CASP5: variants seen among roughly 807,000 people sequenced by gnomAD.
CASP5 encodes the protein caspase-5.
CASP5 carries 42 observed loss-of-function variants against 45.2 expected under a neutral mutation model. That is an observed-to-expected ratio of 0.93 (90% CI 0.73 to 1.20). The LOEUF (loss-of-function observed/expected upper bound fraction) is 1.20. CASP5 is among the 50% of genes most tolerant of loss of function. The probability of loss-of-function intolerance (pLI) is 0.00; values close to 1 mark genes in which losing one functional copy is unlikely to be tolerated. For missense variants in CASP5, 512 were observed against 532.2 expected (o/e 0.96, Z 0.37); for synonymous variants, 209 against 186.2 (o/e 1.12, Z -1.00).
At position 104,998,899 on chromosome 11, in the gene CASP5, C is replaced by G. The variant is rs573042092; in HGVS notation, c.1082G>C (p.Cys361Ser). The stretch of plus-strand genomic sequence containing the variant: ...AAGACACATACGTGGTGTTGAAGAA[C>G]AGAAAGCAATGAAGTCCTTCTCCTC... Reference protein sequence around the residue: ...IHEEKDFIAFCSSTPHNVSWR... With the variant: ...IHEEKDFIAFSSSTPHNVSWR... Residue 361 changes from cysteine (C) to serine (S), a missense_variant, in exon 7 of 10, where the codon TGT becomes TCT. Physicochemically the swap from Cys to Ser is moderately radical, Grantham distance 112. Transcript: ENST00000260315. 6.8e-6 allele frequency: 11 copies of G among 1,613,478 alleles called. No homozygotes were observed. The highest frequency in any genetic ancestry group is 9.3e-6 in the Non-Finnish European group (11 of 1,179,738).
chr11:105,010,338 C>CAT (rs112894489), intron 1 of CASP5, among the ~76,000 whole-genome samples: 58,395 of 149,506 alleles, frequency 0.39, 12,543 homozygotes, highest in African/African-American at 0.58. Context: ...ATCATTATAT[C>CAT]ATGAGTAATT....
chr11:104,995,903 A>G, intron 8 of CASP5, 61 bp from the exon 9 acceptor site: 1 of 1,042,508 alleles, frequency 9.6e-7, no homozygotes, highest in African/African-American at 1.6e-5. Flanking sequence ...TGCATCTTAC[A>G]CCATGAACCA....
chr11:105,000,353 A>G lies in CASP5; in HGVS notation c.860T>C (p.Leu287Pro), dbSNP rs754313850. ...GAATATCTGGAAGATGGTGTCATAA[A>G]GCAGCACATCCGGTTTTTTCTTTTT... Reference protein sequence around the residue: ...AHKKKKPDVLLYDTIFQIFNN... With the variant: ...AHKKKKPDVLPYDTIFQIFNN... The change falls in exon 6 of 10, where the codon CTT (leucine) becomes CCT (proline). Residue 287 changes from leucine to proline, a missense_variant. Physicochemically the swap from Leu to Pro is moderately conservative, Grantham distance 98. Coordinates refer to ENST00000260315, the MANE Select transcript of CASP5 (RefSeq NM_004347.5). The G allele has an allele frequency of 6.2e-7, 1 of 1,614,230 alleles. No homozygotes were observed. The highest frequency in any genetic ancestry group is 1.3e-5 in the African/African-American group (1 of 75,060).
intron 1 of CASP5, among the ~76,000 whole-genome samples, chr11:105,012,127 C>T (rs1396157068): frequency 6.6e-6 from 1 of 151,478 alleles, no homozygotes; most frequent in African/African-American, 2.4e-5. Flanking sequence ...AGAAATAAAC[C>T]CAGTTATTTA....
chr11:104,994,467 C>T (rs1861368376), intron 9 of CASP5, 120 bp from the exon 10 acceptor site: 1 of 152,194 alleles, frequency 6.6e-6, no homozygotes, highest in African/African-American at 2.4e-5. Flanking sequence ...CCCTCGACTT[C>T]CATCTGTGAC....
Position 105,023,141 on chromosome 11 carries a change from A to G in CASP5, c.-5T>C. 1 of 1,551,132 alleles carries G rather than the reference A, an allele frequency of 6.4e-7. No individual in the cohort carries two copies. Among genetic ancestry groups the G allele is most frequent in the African/African-American group, 1.4e-5 (1 of 73,110 alleles). ...GGGCCCAGACTCACCAGCCATAGCT[A>G]ACAGCCTCTGTCTCTTTGTACAGCA... On this transcript the variant is annotated 5_prime_UTR_variant, in exon 1 of 10. Coordinates refer to ENST00000260315, the MANE Select transcript of CASP5 (RefSeq NM_004347.5).
At chr11:105,019,908 TAAAA>T (rs1862853887) in intron 1 of CASP5, among the ~76,000 whole-genome samples, 1 of 145,946 alleles carries the variant, frequency 6.9e-6, no homozygotes, top group Non-Finnish European at 1.5e-5. Flanking sequence ...AAATCCTCAA[TAAAA>T]TACTGGCAAA....
chr11:104,996,903 C>T (rs2134688243), intron 8 of CASP5, among the ~76,000 whole-genome samples: 1 of 152,174 alleles, frequency 6.6e-6, no homozygotes, highest in African/African-American at 2.4e-5. Context: ...TTTTTATTCC[C>T]TGTTACATGC....
At chr11:105,012,748 T>C (rs1471309591) in intron 1 of CASP5, among the ~76,000 whole-genome samples, 1 of 149,056 alleles carries the variant, frequency 6.7e-6, no homozygotes, top group Non-Finnish European at 1.5e-5. Context: ...ATGGGTATTA[T>C]AAAAAAAAAA....
At chr11:105,015,752 C>CA (rs34623702) in intron 1 of CASP5, among the ~76,000 whole-genome samples, 2,825 of 136,970 alleles carry the variant, frequency 0.021, 42 homozygotes, top group South Asian at 0.052. Flanking sequence ...ATAAAATAGA[C>CA]AAAAAAAAAA....
intron 7 of CASP5, 73 bp from the exon 8 acceptor site, chr11:104,997,565 A>G: frequency 1.2e-6 from 1 of 850,662 alleles, no homozygotes; most frequent in Non-Finnish European, 1.9e-6. Context: ...TTGTTTTTGC[A>G]TAGCTTGAGA....
intron 7 of CASP5, among the ~76,000 whole-genome samples, chr11:104,997,748 C>G (rs971465732): frequency 1.3e-5 from 2 of 152,062 alleles, no homozygotes; most frequent in Non-Finnish European, 2.9e-5. Flanking sequence ...TATTATGGAC[C>G]TCATGTTCAT....
intron 4 of CASP5, among the ~76,000 whole-genome samples, chr11:105,003,030 C>T (rs1190818752): frequency 2.0e-5 from 1 of 49,328 alleles, no homozygotes; most frequent in Non-Finnish European, 4.2e-5. Context: ...GACTATATCT[C>T]TACAAAAATT....
At chr11:105,004,359 A>G (rs539404432) in intron 3 of CASP5, among the ~76,000 whole-genome samples, 2 of 152,316 alleles carry the variant, frequency 1.3e-5, no homozygotes, top group Non-Finnish European at 2.9e-5. Context: ...AGTAATTCTG[A>G]TCTATCCCCT....
chr11:104,997,823 A>G (rs1490179937), intron 7 of CASP5, among the ~76,000 whole-genome samples: 1 of 152,214 alleles, frequency 6.6e-6, no homozygotes, highest in Admixed American at 6.5e-5. Context: ...AAAGGAAAGA[A>G]TAGAAGCTCA....
intron 1 of CASP5, among the ~76,000 whole-genome samples, chr11:105,012,877 T>C (rs1862419326): frequency 6.6e-6 from 1 of 151,880 alleles, no homozygotes; most frequent in Admixed American, 6.6e-5. Flanking sequence ...AGTTAAAAAT[T>C]AAAATGAATT....
rs541486687 is a variant in CASP5 at position 105,000,198 on chromosome 11, CCAAA to C, written c.952+59_952+62del. On this transcript the variant is annotated intron_variant, in intron 6 of 9. Coordinates refer to ENST00000260315, the MANE Select transcript of CASP5 (RefSeq NM_004347.5). ...TAACATTGTTTCCCCTAAATATAAA[CCAAA>C]CATCACAATCCTCTGCATACACCTT... 1,728 of 1,554,058 alleles carry C rather than the reference CCAAA, an allele frequency of 1.1e-3. 18 individuals are homozygous for C. The South Asian group carries it at 0.014, about 12-fold the overall frequency.
chr11:105,002,433 C>G (rs1423634851), intron 4 of CASP5, among the ~76,000 whole-genome samples: 1 of 152,168 alleles, frequency 6.6e-6, no homozygotes, highest in African/African-American at 2.4e-5. Context: ...CCTTCCTTCT[C>G]CTTTTTCTTC....
intron 6 of CASP5, 35 bp from the exon 7 acceptor site, chr11:104,999,063 T>G (rs1357031155): frequency 1.3e-6 from 2 of 1,551,064 alleles, no homozygotes; most frequent in Non-Finnish European, 1.7e-6. Context: ...TTTTTTATGT[T>G]ACTTTAAGTT....
Sources: gnomAD v4.1 joint callset for allele counts (sites outside exome capture counted in the v4.1 genomes callset) on GRCh38, gnomAD v4.1.1 for gene constraint, MANE v1.5 for transcripts, NCBI Gene and HGNC (gene_info 2026-07-23, HGNC 2026-07-21) for gene names.